The following C18orf54 variants were observed in gnomAD, a reference collection of about 807,000 sequenced individuals.
C18orf54 encodes the protein lung adenoma susceptibility protein 2.
C18orf54 carries 49 observed loss-of-function variants against 49.3 expected under a neutral mutation model. The ratio of observed to expected loss-of-function variants is 0.99; its 90% CI spans 0.79 to 1.26. C18orf54 has a LOEUF of 1.26. Ranked by LOEUF, C18orf54 falls within the 50% of genes most tolerant of loss-of-function variation. C18orf54 has a pLI of 0.00. For missense variants in C18orf54, 687 were observed against 620.6 expected (o/e 1.11, Z -1.14); for synonymous variants, 211 against 216.6 (o/e 0.97, Z 0.23).
At position 54,362,268 on chromosome 18, in the gene C18orf54, C is replaced by G; in HGVS notation, c.909C>G (p.Ile303Met). 2 of 1,536,412 alleles carry G rather than the reference C, an allele frequency of 1.3e-6. No homozygotes were observed. Among genetic ancestry groups the G allele is most frequent in the South Asian group, 1.2e-5 (1 of 84,046 alleles). ...SHQAQGTSRLINKLDCFEYAF... is the reference protein window; with the variant it reads ...SHQAQGTSRLMNKLDCFEYAF... ...AGGCACAAGGAACTTCTCGGCTTAT[C>G]AATAAATTAGATTGTTTTGAATATG... The change falls in exon 4 of 9, where the codon ATC becomes ATG. Residue 303 changes from isoleucine (I) to methionine (M), a missense_variant. Coordinates refer to ENST00000620105, the MANE Select transcript of C18orf54 (RefSeq NM_001288980.2).
intron 7 of C18orf54, among the ~76,000 whole-genome samples, chr18:54,373,335 A>G (rs1441932573): frequency 6.6e-6 from 1 of 151,786 alleles, no homozygotes; most frequent in Non-Finnish European, 1.5e-5. Flanking sequence ...TGGGTGTACA[A>G]CATGATGTTT....
intron 8 of C18orf54, 21 bp downstream of exon 8, chr18:54,374,305 T>C: frequency 1.3e-6 from 2 of 1,549,710 alleles, no homozygotes; most frequent in South Asian, 1.3e-5. Flanking sequence ...TTTACTAATA[T>C]GGATACAAAT....
Position 54,362,310 on chromosome 18 carries a change from C to T in C18orf54, c.951C>T (p.Asn317=), listed in dbSNP as rs1568182377. 7 of 1,536,210 alleles carry T rather than the reference C, an allele frequency of 4.6e-6. No individual in the cohort carries two copies. The highest frequency in any genetic ancestry group is 6.1e-6 in the Non-Finnish European group (7 of 1,146,874). The part of the protein sequence containing the change: ...DCFEYAFEPS[N]FSNSLSDDKE... ...TTGAATATGCTTTTGAACCCTCAAACTTTTCAAATTCCTTGAGTGATGATA... is the reference window on the plus strand; with the variant it reads ...TTGAATATGCTTTTGAACCCTCAAATTTTTCAAATTCCTTGAGTGATGATA... The change falls in exon 4 of 9, where the codon AAC becomes AAT. Residue 317 remains asparagine (N), a synonymous_variant. Coordinates refer to ENST00000620105, the MANE Select transcript of C18orf54 (RefSeq NM_001288980.2).
chr18:54,374,183 A>G, intron 7 of C18orf54, 31 bp from the exon 8 acceptor site: 4 of 1,459,136 alleles, frequency 2.7e-6, no homozygotes, highest in Non-Finnish European at 3.7e-6. Flanking sequence ...TAATTTTAAT[A>G]TTTTGTTATA....
At chr18:54,377,582 A>C (rs1030337676) in intron 8 of C18orf54, among the ~76,000 whole-genome samples, 1 of 152,192 alleles carries the variant, frequency 6.6e-6, no homozygotes. Context: ...GAGACCTGCA[A>C]TACAATCTTG....
At chr18:54,371,687 T>C (rs1486140600) in intron 6 of C18orf54, among the ~76,000 whole-genome samples, 3 of 152,172 alleles carry the variant, frequency 2.0e-5, no homozygotes, top group Non-Finnish European at 4.4e-5. Context: ...GAGTATATTA[T>C]GCTAATCAAC....
In C18orf54 at chr18:54,365,783, A is replaced by G. The variant is rs2089370065; in HGVS notation, c.1288A>G (p.Lys430Glu). 2.5e-6 allele frequency: 4 copies of G among 1,594,592 alleles called. No homozygotes were observed. In the South Asian group the frequency reaches 3.4e-5, roughly 14 times the overall value. The change falls in exon 6 of 9, where the codon AAA becomes GAA. Residue 430 changes from lysine (K) to glutamate (E), a missense_variant. By Grantham distance (56) the Lys-to-Glu change is moderately conservative. Coordinates refer to ENST00000620105, the MANE Select transcript of C18orf54 (RefSeq NM_001288980.2). ...PQQTSRAKSA[K>E]GVLEDFLNND... is the part of the protein sequence containing the mutation. ...ACAAACTTCAAGGGCAAAGAGTGCTAAAGGGGTTCTTGAAGACTTTCTAAA... is the reference window on the plus strand; with the variant it reads ...ACAAACTTCAAGGGCAAAGAGTGCTGAAGGGGTTCTTGAAGACTTTCTAAA...
At chr18:54,370,484 C>T (rs1339537141) in intron 6 of C18orf54, among the ~76,000 whole-genome samples, 22 of 152,058 alleles carry the variant, frequency 1.4e-4, no homozygotes, top group Admixed American at 8.5e-4. Flanking sequence ...AACAGTCTCC[C>T]AAGAAAACAG....
intron 6 of C18orf54, 35 bp from the exon 7 acceptor site, chr18:54,372,431 G>A (rs368958988): frequency 6.9e-4 from 991 of 1,443,870 alleles, no homozygotes; most frequent in Non-Finnish European, 8.6e-4. Context: ...GAGCTTGGAT[G>A]GTTAACTTTA....
In C18orf54 at chr18:54,379,094, C is replaced by G. The variant is rs1431324439; in HGVS notation, c.*848C>G. ...GAATATGGAAAATCAGAAAGCAACT[C>G]TATTTTAGAGCTATTTTGTAAGAGT... On this transcript the variant is annotated 3_prime_UTR_variant, in exon 9 of 9. Coordinates refer to ENST00000620105, the MANE Select transcript of C18orf54 (RefSeq NM_001288980.2). The G allele has an allele frequency of 2.0e-5, 3 of 152,088 alleles. No individual in the cohort carries two copies. Among genetic ancestry groups the G allele is most frequent in the Non-Finnish European group, 4.4e-5 (3 of 67,954 alleles). The allele number at this position is 152,088 out of a possible 1,614,324, so 9.4% of individuals were successfully genotyped here.
chr18:54,359,306 A>G (rs1324682055), intron 2 of C18orf54, among the ~76,000 whole-genome samples: 8 of 152,248 alleles, frequency 5.3e-5, no homozygotes, highest in Non-Finnish European at 1.0e-4. Flanking sequence ...AAGGGATACG[A>G]AAAAGGTAAA....
intron 6 of C18orf54, among the ~76,000 whole-genome samples, chr18:54,371,412 T>C (rs1169970170): frequency 6.6e-6 from 1 of 152,204 alleles, no homozygotes; most frequent in Non-Finnish European, 1.5e-5. Flanking sequence ...TTGGGTTATC[T>C]GCATCTTTTG....
chr18:54,372,833 A>C (rs568873084), intron 7 of C18orf54, among the ~76,000 whole-genome samples: 2 of 151,908 alleles, frequency 1.3e-5, no homozygotes, highest in Non-Finnish European at 2.9e-5. Flanking sequence ...TAAATCCAAC[A>C]TCTTATTTAG....
chr18:54,376,136 A>G lies in C18orf54; in HGVS notation c.1529+1852A>G, dbSNP rs533134617. Among the ~76,000 whole-genome samples, 4 of 152,338 alleles carry G rather than the reference A, an allele frequency of 2.6e-5. No individual in the cohort carries two copies. The South Asian group carries it at 8.3e-4, about 32-fold the overall frequency. On this transcript the variant is annotated intron_variant, in intron 8 of 8. Transcript: ENST00000620105. ...TTGGCCTTTCCTAAGGTAAAATCCT[A>G]TTATGGCTCTTTACATTCCTCAAAT...
In C18orf54 at chr18:54,360,816, AT is replaced by A; in HGVS notation, c.245del (p.Met82SerfsTer37). The A allele has an allele frequency of 3.1e-6, 5 of 1,613,098 alleles. No individual in the cohort carries two copies. The highest frequency in any genetic ancestry group is 4.2e-6 in the Non-Finnish European group (5 of 1,179,318). Reference protein sequence around the residue: ...KINIDEDFTNMSQFCNYIYKP... With the variant: ...KINIDEDFTNXSQFCNYIYKP... ...TAACATTGATGAGGATTTTACTAAT[AT>A]GTCACAGTTCTGCAACTATATTTAC... On this transcript the variant is annotated frameshift_variant, in exon 3 of 9. Coordinates refer to ENST00000620105, the MANE Select transcript of C18orf54 (RefSeq NM_001288980.2). LOFTEE classifies it high-confidence loss of function.
chr18:54,377,357 C>G (rs1301084781), intron 8 of C18orf54, among the ~76,000 whole-genome samples: 1 of 152,146 alleles, frequency 6.6e-6, no homozygotes. Flanking sequence ...CCGGCCCTTC[C>G]TGCACATCTT....
At chr18:54,377,987 A>T (rs1016860077) in intron 8 of C18orf54, among the ~76,000 whole-genome samples, 187 bp from the exon 9 acceptor site, 1 of 152,218 alleles carries the variant, frequency 6.6e-6, no homozygotes, top group Admixed American at 6.5e-5. Flanking sequence ...CTTTAGATAA[A>T]TTATTTTAAC....
chr18:54,368,633 G>A (rs565814952), intron 6 of C18orf54, among the ~76,000 whole-genome samples: 100 of 151,962 alleles, frequency 6.6e-4, no homozygotes, highest in Non-Finnish European at 1.2e-3. Context: ...TGAACACTTG[G>A]TTAAGGTGAT....
Position 54,378,361 on chromosome 18 carries a change from TCAAG to T in C18orf54, c.*116_*119del, listed in dbSNP as rs542856002. 78 of 889,380 alleles carry T rather than the reference TCAAG, an allele frequency of 8.8e-5. 1 individual carries two copies. In the South Asian group the frequency reaches 1.3e-3, roughly 15 times the overall value. 55.1% of individuals were successfully genotyped at this position (889,380 alleles called of 1,614,324 possible). On this transcript the variant is annotated 3_prime_UTR_variant, in exon 9 of 9. Transcript: ENST00000620105. ...AGCCATACATTATTTTGTGGTTGGT[TCAAG>T]GATTATATATTTCTAAAACACTAAA...
Sources: allele counts gnomAD v4.1 joint callset (sites outside exome capture counted in the v4.1 genomes callset), GRCh38; gene constraint gnomAD v4.1.1; transcripts MANE v1.5; gene names NCBI Gene and HGNC (gene_info 2026-07-23, HGNC 2026-07-21).